Variants in AQR observed in about 807,000 individuals in gnomAD.
AQR encodes aquarius intron-binding spliceosomal factor.
In AQR, 61 loss-of-function variants were observed where a neutral mutation model predicts 180.5. The observed-to-expected ratio is 0.34, with a 90% confidence interval of 0.28 to 0.42. The LOEUF (loss-of-function observed/expected upper bound fraction) is 0.42. Ranked by LOEUF, AQR falls within the 10% of genes least tolerant of loss-of-function variation. The pLI is 1.00. For missense variants in AQR, 1,281 were observed against 1,798.3 expected (o/e 0.71, Z 5.20); for synonymous variants, 551 against 588.8 (o/e 0.94, Z 0.93).
At chr15:34,914,695 C>A (rs922384370) in intron 16 of AQR, among the ~76,000 whole-genome samples, 1 of 152,142 alleles carries the variant, frequency 6.6e-6, no homozygotes, top group Non-Finnish European at 1.5e-5. Context: ...TGACCTAGTA[C>A]GGGCCTGCTT....
intron 12 of AQR, among the ~76,000 whole-genome samples, chr15:34,927,517 A>T (rs1404347656): frequency 6.6e-6 from 1 of 152,250 alleles, no homozygotes; most frequent in East Asian, 1.9e-4. Flanking sequence ...CTGGCTGCAG[A>T]GAACTTGGAA....
At position 34,946,073 on chromosome 15, in the gene AQR, C is replaced by G. The variant is rs374275410; in HGVS notation, c.331-1645G>C. 3.9e-5 allele frequency among the ~76,000 whole-genome samples: 6 copies of G among 152,224 alleles called. No homozygotes were observed. In the East Asian group the frequency reaches 1.2e-3, roughly 29 times the overall value. ...ATCATCTAAGGTCAGGAGTTTGAGA[C>G]CAGCCTGGCCAATATGGTGAAACCC... On this transcript the variant is annotated intron_variant, in intron 5 of 34. Transcript: ENST00000156471.
chr15:34,930,365 C>A lies in AQR; in HGVS notation c.907G>T (p.Asp303Tyr). ...AAACCAGTATAGAATTTAAGCATGT[C>A]CAAAAGCTGAAGAAACACATTTACA... The part of the protein sequence containing the change: ...EDGHLFSQLL[D>Y]MLKFYTGFEI... Residue 303 changes from aspartate (D) to tyrosine (Y), a missense_variant, in exon 12 of 35, where the codon GAC (aspartate) becomes TAC (tyrosine). Transcript: ENST00000156471. The A allele has an allele frequency of 6.3e-7, 1 of 1,576,534 alleles. No individual in the cohort carries two copies. Among genetic ancestry groups the A allele is most frequent in the Non-Finnish European group, 8.7e-7 (1 of 1,147,504 alleles).
chr15:34,938,912 G>A (rs1023440046), intron 8 of AQR, 99 bp from the exon 9 acceptor site: 2 of 823,118 alleles, frequency 2.4e-6, no homozygotes, highest in African/African-American at 3.4e-5. Flanking sequence ...TTGTTCAACT[G>A]TTCATTTCTT....
chr15:34,940,767 G>C (rs757323957), intron 8 of AQR, 132 bp downstream of exon 8: 1 of 716,326 alleles, frequency 1.4e-6, no homozygotes, highest in Non-Finnish European at 2.4e-6. Flanking sequence ...GACAGTCTAG[G>C]TAAAAGCACT....
At chr15:34,958,222 A>G (rs527743173) in intron 3 of AQR, among the ~76,000 whole-genome samples, 1 of 152,130 alleles carries the variant, frequency 6.6e-6, no homozygotes, top group South Asian at 2.1e-4. Flanking sequence ...ATAAAAAAGA[A>G]TAACGGTAGG....
chr15:34,879,110 T>C (rs1037340520), intron 27 of AQR, among the ~76,000 whole-genome samples: 2 of 151,832 alleles, frequency 1.3e-5, no homozygotes, highest in African/African-American at 2.4e-5. Context: ...ACTGAACACA[T>C]AATGATCACC....
At chr15:34,917,182 T>C (rs1414029747) in intron 15 of AQR, among the ~76,000 whole-genome samples, 1 of 152,214 alleles carries the variant, frequency 6.6e-6, no homozygotes. Context: ...GAAGACTGCC[T>C]ATGTTCTGAA....
At chr15:34,918,456 C>A in intron 14 of AQR, 78 bp from the exon 15 acceptor site, 1 of 1,519,086 alleles carries the variant, frequency 6.6e-7, no homozygotes, top group Non-Finnish European at 8.9e-7. Context: ...GAAGAAGTTT[C>A]ATGCCTATCA....
chr15:34,886,750 C>A, intron 24 of AQR, 89 bp from the exon 25 acceptor site: 1 of 1,316,148 alleles, frequency 7.6e-7, no homozygotes, highest in South Asian at 1.5e-5. Context: ...ATCATAATAG[C>A]AAAGAAGAGG....
chr15:34,872,028 A>G (rs1190148113), intron 30 of AQR, among the ~76,000 whole-genome samples: 1 of 151,920 alleles, frequency 6.6e-6, no homozygotes, highest in Non-Finnish European at 1.5e-5. Context: ...TTCTAAAAAT[A>G]TCATTTATAT....
chr15:34,925,730 G>C (rs559991483), intron 13 of AQR, among the ~76,000 whole-genome samples: 1 of 124,146 alleles, frequency 8.1e-6, no homozygotes, highest in East Asian at 2.0e-4. Context: ...CTATTCGGGA[G>C]GCTGACGCAG....
chr15:34,966,587 C>G (rs1278778718), intron 1 of AQR, among the ~76,000 whole-genome samples: 1 of 152,202 alleles, frequency 6.6e-6, no homozygotes, highest in Non-Finnish European at 1.5e-5. Flanking sequence ...CTTCCACAGA[C>G]TGTGTGTTAG....
At chr15:34,937,516 AATATAAATATGGTATACCT>A (rs921519510) in intron 9 of AQR, among the ~76,000 whole-genome samples, 3 of 152,184 alleles carry the variant, frequency 2.0e-5, no homozygotes, top group Admixed American at 6.5e-5. Flanking sequence ...CTGATGCAAA[AATATAAATATGGTATACCT>A]ATATAAATAT....
Position 34,966,186 on chromosome 15 carries a change from A to AT in AQR, c.76-1897dup, listed in dbSNP as rs535522011. On this transcript the variant is annotated intron_variant, in intron 1 of 34. Transcript: ENST00000156471. ...AAAAAGGAAATAAAAATATAATGGT[A>AT]TAAAAAAGTGAGGTCACAAAGTTCA... is the stretch of plus-strand genomic sequence containing the variant. Among the ~76,000 whole-genome samples the AT allele has an allele frequency of 1.4e-3, 220 of 152,378 alleles. 2 individuals carry two copies. Among genetic ancestry groups the AT allele is most frequent in the African/African-American group, 5.0e-3 (206 of 41,590 alleles).
intron 3 of AQR, 96 bp downstream of exon 3, chr15:34,960,678 A>T (rs1471109168): frequency 5.2e-6 from 3 of 581,588 alleles, no homozygotes; most frequent in African/African-American, 4.0e-5. Context: ...TTTGAAACAG[A>T]AAAAGGGTTC....
chr15:34,882,747 A>T, intron 26 of AQR, 108 bp from the exon 27 acceptor site: 1 of 973,926 alleles, frequency 1.0e-6, no homozygotes, highest in Non-Finnish European at 1.4e-6. Context: ...TAAATATATT[A>T]TAAACTAAGC....
chr15:34,863,110 T>TC (rs1205535849), intron 32 of AQR, 69 bp from the exon 33 acceptor site: 9 of 1,378,550 alleles, frequency 6.5e-6, no homozygotes, highest in Middle Eastern at 2.0e-4. Flanking sequence ...TTTTTTTTTT[T>TC]CACAGATTTC....
chr15:34,874,115 T>A, intron 29 of AQR, 116 bp from the exon 30 acceptor site: 1 of 1,109,990 alleles, frequency 9.0e-7, no homozygotes, highest in Non-Finnish European at 1.2e-6. Context: ...TGTTAGCCAT[T>A]TTGGCTCATC....
Sources: allele counts gnomAD v4.1 joint callset (sites outside exome capture counted in the v4.1 genomes callset), GRCh38; gene constraint gnomAD v4.1.1; transcripts MANE v1.5; gene names NCBI Gene and HGNC (gene_info 2026-07-23, HGNC 2026-07-21).